The following SPAG16 variants were observed in gnomAD, a reference collection of about 807,000 sequenced individuals.
SPAG16 encodes sperm-associated antigen 16 protein.
SPAG16 carries 86 observed loss-of-function variants against 80.4 expected under a neutral mutation model. The observed-to-expected ratio is 1.07, with a 90% CI of 0.90 to 1.28. The LOEUF is 1.28. Ranked by LOEUF, SPAG16 falls within the 50% of genes most tolerant of loss-of-function variation. SPAG16 has a pLI of 0.00. For missense variants in SPAG16, 870 were observed against 765.3 expected (o/e 1.14, Z -1.61); for synonymous variants, 294 against 265.9 (o/e 1.11, Z -1.03).
intron 10 of SPAG16, among the ~76,000 whole-genome samples, chr2:213,760,510 GA>G (rs55859105): frequency 0.85 from 124,965 of 146,924 alleles, 55,818 homozygotes; most frequent in East Asian, 1. Flanking sequence ...ATAATGGCTA[GA>G]AAAAAAAAAC....
At chr2:213,286,372 G>C (rs761838951) in intron 1 of SPAG16, among the ~76,000 whole-genome samples, 5 of 152,096 alleles carry the variant, frequency 3.3e-5, no homozygotes, top group Admixed American at 6.5e-5. Context: ...CCATGCTGAG[G>C]GAAGAGGTTT....
At chr2:213,442,695 G>T (rs1261505656) in intron 9 of SPAG16, among the ~76,000 whole-genome samples, 1 of 152,174 alleles carries the variant, frequency 6.6e-6, no homozygotes, top group East Asian at 1.9e-4. Context: ...AAGAAAGGCT[G>T]CTGGAACAAT....
chr2:214,238,410 TC>T (rs1689223999), intron 15 of SPAG16: 1 of 164,214 alleles, frequency 6.1e-6, no homozygotes, highest in Admixed American at 6.3e-5. Flanking sequence ...ATGCTCAAGA[TC>T]ATTTTGTGAA....
At chr2:213,350,237 A>G (rs570885311) in intron 6 of SPAG16, among the ~76,000 whole-genome samples, 2 of 152,260 alleles carry the variant, frequency 1.3e-5, no homozygotes, top group Admixed American at 6.5e-5. Context: ...AAAAAATTTC[A>G]TGGGTAGCAG....
chr2:213,889,887 G>A (rs971004252), intron 11 of SPAG16, among the ~76,000 whole-genome samples: 34 of 151,772 alleles, frequency 2.2e-4, no homozygotes, highest in African/African-American at 7.7e-4. Context: ...CTACAGCATT[G>A]TAAAGTGTTT....
At chr2:214,171,606 A>G (rs2056869733) in intron 15 of SPAG16, among the ~76,000 whole-genome samples, 1 of 151,932 alleles carries the variant, frequency 6.6e-6, no homozygotes, top group South Asian at 2.1e-4. Context: ...TTTCTCAGCA[A>G]CTTTTCTTTG....
intron 15 of SPAG16, among the ~76,000 whole-genome samples, chr2:214,328,442 C>T (rs1448650983): frequency 6.6e-6 from 1 of 152,182 alleles, no homozygotes; most frequent in Non-Finnish European, 1.5e-5. Flanking sequence ...GGATTACAGG[C>T]GTGAGCCACC....
chr2:213,573,945 C>A (rs1350897178), intron 10 of SPAG16, among the ~76,000 whole-genome samples: 2 of 152,058 alleles, frequency 1.3e-5, no homozygotes, highest in Admixed American at 1.3e-4. Context: ...GTGAAAAAAT[C>A]AGATTCAGAT....
intron 10 of SPAG16, among the ~76,000 whole-genome samples, chr2:213,766,201 T>C (rs2068930925): frequency 6.6e-6 from 1 of 152,078 alleles, no homozygotes; most frequent in African/African-American, 2.4e-5. Flanking sequence ...AGAAAGTGCA[T>C]AGAAATAGAA....
At chr2:213,912,631 G>T (rs1339893023) in intron 11 of SPAG16, among the ~76,000 whole-genome samples, 1 of 152,110 alleles carries the variant, frequency 6.6e-6, no homozygotes, top group Non-Finnish European at 1.5e-5. Context: ...CTTGCTATGT[G>T]CATTCGGTGT....
At chr2:213,465,240 G>A (rs1025108205) in intron 9 of SPAG16, among the ~76,000 whole-genome samples, 2 of 152,170 alleles carry the variant, frequency 1.3e-5, no homozygotes, top group Non-Finnish European at 2.9e-5. Context: ...CTTAGAATCA[G>A]TATAAATGTT....
At chr2:214,150,986 G>T (rs976129759) in intron 15 of SPAG16, among the ~76,000 whole-genome samples, 1 of 151,950 alleles carries the variant, frequency 6.6e-6, no homozygotes, top group African/African-American at 2.4e-5. Flanking sequence ...ATCAGCAGTA[G>T]AACAGCAAGA....
rs373870991 is a variant in SPAG16 at position 213,597,778 on chromosome 2, A to G, written c.1070+107688A>G. Reference sequence around the variant, plus strand: ...CTTTAAATCTTTTGCCCCCCCAAAAACTTCTCTGACATATTTTAAGATGGC... The same window carrying G: ...CTTTAAATCTTTTGCCCCCCCAAAAGCTTCTCTGACATATTTTAAGATGGC... On this transcript the variant is annotated intron_variant, in intron 10 of 15. Transcript: ENST00000331683. Among the ~76,000 whole-genome samples, 15 of 152,282 alleles carry G rather than the reference A, an allele frequency of 9.9e-5. No individual in the cohort carries two copies. The South Asian group carries it at 3.1e-3, about 32-fold the overall frequency.
At chr2:213,415,428 GA>G (rs2069195879) in intron 9 of SPAG16, among the ~76,000 whole-genome samples, 1 of 152,168 alleles carries the variant, frequency 6.6e-6, no homozygotes, top group South Asian at 2.1e-4. Context: ...TTCAGCACAT[GA>G]AAAAACAATT....
chr2:214,136,355 A>G (rs1343930417), intron 14 of SPAG16, among the ~76,000 whole-genome samples: 1 of 152,190 alleles, frequency 6.6e-6, no homozygotes, highest in Non-Finnish European at 1.5e-5. Flanking sequence ...AAGTTTAATA[A>G]CTTAAACCTT....
At chr2:214,044,825 C>A (rs1239922008) in intron 13 of SPAG16, among the ~76,000 whole-genome samples, 1 of 152,176 alleles carries the variant, frequency 6.6e-6, no homozygotes, top group Admixed American at 6.5e-5. Context: ...GATATCTGCC[C>A]TTGGAGGAAG....
intron 9 of SPAG16, among the ~76,000 whole-genome samples, chr2:213,485,135 CAGGTGGG>C (rs1187373418): frequency 6.6e-6 from 1 of 151,618 alleles, no homozygotes; most frequent in Non-Finnish European, 1.5e-5. Context: ...GCTGGGAGTA[CAGGTGGG>C]AGCCACCATG....
At chr2:214,344,608 A>G (rs1196327980) in intron 15 of SPAG16, among the ~76,000 whole-genome samples, 1 of 152,216 alleles carries the variant, frequency 6.6e-6, no homozygotes. Flanking sequence ...TTTTAACATG[A>G]TCTTATCTAA....
At chr2:214,371,983 T>C (rs575251312) in intron 15 of SPAG16, among the ~76,000 whole-genome samples, 20 of 152,238 alleles carry the variant, frequency 1.3e-4, no homozygotes, top group African/African-American at 4.3e-4. Context: ...ACCCAGCCGA[T>C]ATGTAATATA....
Sources: gnomAD v4.1 joint callset for allele counts (sites outside exome capture counted in the v4.1 genomes callset) on GRCh38, gnomAD v4.1.1 for gene constraint, MANE v1.5 for transcripts, NCBI Gene and HGNC (gene_info 2026-07-23, HGNC 2026-07-21) for gene names.